Variants in MATN2 observed in about 807,000 individuals in gnomAD.
MATN2 encodes matrilin-2.
A neutral mutation model predicts 103.2 loss-of-function variants in MATN2; 69 were observed. The observed-to-expected ratio is 0.67, with a 90% CI of 0.55 to 0.82. The LOEUF (loss-of-function observed/expected upper bound fraction) is 0.82. MATN2 is among the 40% of genes least tolerant of loss of function. The probability of loss-of-function intolerance (pLI) is 0.00; values close to 1 mark genes in which losing one functional copy is unlikely to be tolerated. For missense variants in MATN2, 1,023 were observed against 1,211.5 expected, an observed-to-expected ratio of 0.84 and a Z score of 2.31; for synonymous variants, 429 against 450.2, an observed-to-expected ratio of 0.95 and a Z score of 0.60.
At chr8:97,906,060 G>A (rs943589849) in intron 2 of MATN2, among the ~76,000 whole-genome samples, 1 of 152,140 alleles carries the variant, frequency 6.6e-6, no homozygotes, top group African/African-American at 2.4e-5. Context: ...CTAAGGAGTA[G>A]AATTGCTGGG....
At chr8:98,001,229 C>T (rs973983568) in intron 7 of MATN2, among the ~76,000 whole-genome samples, 6 of 152,114 alleles carry the variant, frequency 3.9e-5, no homozygotes, top group Admixed American at 2.6e-4. Flanking sequence ...CCTGACAAGT[C>T]CAAAGGTGGT....
chr8:97,894,820 A>C (rs1818754059), intron 2 of MATN2, among the ~76,000 whole-genome samples: 1 of 152,090 alleles, frequency 6.6e-6, no homozygotes, highest in Admixed American at 6.5e-5. Flanking sequence ...AAATGTAAGC[A>C]TGGCCTGCTC....
intron 6 of MATN2, among the ~76,000 whole-genome samples, chr8:97,986,465 T>C (rs1342462500): frequency 2.6e-5 from 4 of 152,096 alleles, no homozygotes; most frequent in Non-Finnish European, 4.4e-5. Flanking sequence ...CCCAAGTCCA[T>C]TGTATCATTC....
chr8:97,915,917 A>G (rs1197220148), intron 2 of MATN2, among the ~76,000 whole-genome samples: 1 of 151,992 alleles, frequency 6.6e-6, no homozygotes, highest in Non-Finnish European at 1.5e-5. Context: ...CGTACATGTC[A>G]TTTCTCAATT....
At chr8:98,024,089 G>C (rs1479998242) in intron 13 of MATN2, among the ~76,000 whole-genome samples, 3 of 152,122 alleles carry the variant, frequency 2.0e-5, no homozygotes, top group Non-Finnish European at 4.4e-5. Context: ...TGCATGTGGG[G>C]CTTAATACCT....
chr8:97,960,067 A>G (rs1461975160), intron 4 of MATN2, among the ~76,000 whole-genome samples: 2 of 152,104 alleles, frequency 1.3e-5, no homozygotes, highest in Admixed American at 6.5e-5. Context: ...CTCCTGCCTC[A>G]GCCTCCCATC....
chr8:97,934,415 T>C (rs1810306123), intron 3 of MATN2, among the ~76,000 whole-genome samples: 1 of 152,234 alleles, frequency 6.6e-6, no homozygotes, highest in South Asian at 2.1e-4. Context: ...GCTAGGCAGA[T>C]GGCCTCAGTT....
intron 5 of MATN2, among the ~76,000 whole-genome samples, chr8:97,968,332 T>G (rs1334038989): frequency 6.6e-6 from 1 of 152,238 alleles, no homozygotes; most frequent in Non-Finnish European, 1.5e-5. Flanking sequence ...TTAGTTACAC[T>G]AATCTCTCTA....
chr8:98,015,733 T>C (rs952999801), intron 10 of MATN2, among the ~76,000 whole-genome samples: 3 of 152,162 alleles, frequency 2.0e-5, no homozygotes, highest in African/African-American at 7.2e-5. Context: ...ATATCACATA[T>C]TTGTCTGTTT....
chr8:97,988,280 T>TA (rs1812274555), intron 6 of MATN2, among the ~76,000 whole-genome samples: 1 of 148,286 alleles, frequency 6.7e-6, no homozygotes, highest in Non-Finnish European at 1.5e-5. Flanking sequence ...TATGACAACT[T>TA]AGATGAAATG....
At chr8:97,911,923 A>G (rs1809457816) in intron 2 of MATN2, among the ~76,000 whole-genome samples, 1 of 152,206 alleles carries the variant, frequency 6.6e-6, no homozygotes, top group African/African-American at 2.4e-5. Context: ...CACTATTCTA[A>G]GTACACATAT....
intron 4 of MATN2, among the ~76,000 whole-genome samples, chr8:97,956,635 G>A (rs1321969716): frequency 6.6e-6 from 1 of 152,178 alleles, no homozygotes; most frequent in Non-Finnish European, 1.5e-5. Flanking sequence ...TGGTGGGTGT[G>A]TCTTATGGAA....
chr8:97,923,111 G>A (rs1432123101), intron 2 of MATN2, among the ~76,000 whole-genome samples: 1 of 151,330 alleles, frequency 6.6e-6, no homozygotes, highest in African/African-American at 2.5e-5. Context: ...GGAATAAAAC[G>A]TACATTTTGC....
intron 2 of MATN2, among the ~76,000 whole-genome samples, chr8:97,893,690 C>T (rs1263005406): frequency 6.6e-6 from 1 of 152,092 alleles, no homozygotes; most frequent in Non-Finnish European, 1.5e-5. Context: ...GATTCTCCTG[C>T]CTCAGCCTCC....
chr8:97,889,488 T>TATATAA (rs1347479451), intron 2 of MATN2, among the ~76,000 whole-genome samples: 1 of 133,356 alleles, frequency 7.5e-6, no homozygotes, highest in Non-Finnish European at 1.6e-5. Flanking sequence ...TATATATATA[T>TATATAA]AAAACTGATG....
chr8:97,930,635 T>G (rs903565143), intron 2 of MATN2: 4 of 213,792 alleles, frequency 1.9e-5, no homozygotes, highest in Non-Finnish European at 3.8e-5. Context: ...CTTATTTTTA[T>G]TTTTTTAATG....
intron 10 of MATN2, among the ~76,000 whole-genome samples, chr8:98,015,057 C>A (rs115993507): frequency 2.0e-5 from 3 of 152,198 alleles, no homozygotes; most frequent in Admixed American, 2.0e-4. Context: ...TCTAGTCCCC[C>A]AGAAGCCACC....
intron 4 of MATN2, among the ~76,000 whole-genome samples, chr8:97,946,614 C>G (rs990438778): frequency 6.6e-6 from 1 of 152,086 alleles, no homozygotes; most frequent in Non-Finnish European, 1.5e-5. Context: ...TATCTTGTTT[C>G]TTTTTCTTGA....
chr8:97,869,949 C>T (rs1817836798), intron 1 of MATN2, among the ~76,000 whole-genome samples: 1 of 152,068 alleles, frequency 6.6e-6, no homozygotes. Flanking sequence ...TCGCGCCCAC[C>T]CTGAACAAAC....
Sources: gnomAD v4.1 joint callset for allele counts (sites outside exome capture counted in the v4.1 genomes callset) on GRCh38, gnomAD v4.1.1 for gene constraint, MANE v1.5 for transcripts, NCBI Gene and HGNC (gene_info 2026-07-23, HGNC 2026-07-21) for gene names.